NKD1: variants seen among roughly 807,000 people sequenced by gnomAD.
The protein encoded by NKD1 is NKD inhibitor of Wnt signaling pathway 1.
A neutral mutation model predicts 56.0 loss-of-function variants in NKD1; 21 were observed. That is an observed-to-expected ratio of 0.38 (90% CI 0.27 to 0.54). The LOEUF is 0.54. Among genes scored for constraint, NKD1 ranks in the 20% least tolerant of loss-of-function variants. The pLI, the probability that NKD1 is intolerant of heterozygous loss-of-function variation, is 0.82. For synonymous variants in NKD1, 263 were observed against 265.7 expected (o/e 0.99, Z 0.10); for missense variants, 578 against 642.7 (o/e 0.90, Z 1.09).
intron 3 of NKD1, among the ~76,000 whole-genome samples, chr16:50,602,020 G>T (rs1435533963): frequency 1.3e-5 from 2 of 152,178 alleles, no homozygotes; most frequent in East Asian, 3.9e-4. Context: ...CTTTGATGAG[G>T]ATTATTTTTG....
rs185245668 is a variant in NKD1 at position 50,599,616 on chromosome 16, A to G, written c.193-8678A>G. On this transcript the variant is annotated intron_variant, in intron 3 of 9. Transcript: ENST00000268459. ...TGTCGCACACTGACTAAGACTGGTT[A>G]TCATCATCACTGAGTCCTTTATATT... Among the ~76,000 whole-genome samples the G allele has an allele frequency of 1.1e-4, 16 of 152,334 alleles. No homozygotes were observed. In the East Asian group the frequency reaches 2.7e-3, roughly 26 times the overall value.
chr16:50,629,295 G>A (rs958982450), intron 6 of NKD1, among the ~76,000 whole-genome samples: 2 of 152,076 alleles, frequency 1.3e-5, no homozygotes, highest in African/African-American at 4.8e-5. Context: ...ATCCTATCAT[G>A]GTCCCGCCTT....
intron 4 of NKD1, among the ~76,000 whole-genome samples, chr16:50,610,111 G>A (rs566824821): frequency 1.3e-5 from 2 of 152,150 alleles, no homozygotes; most frequent in Non-Finnish European, 2.9e-5. Flanking sequence ...CTGGAGGATC[G>A]CTTGAGCTCA....
chr16:50,593,780 A>G (rs185507052), intron 3 of NKD1, among the ~76,000 whole-genome samples: 16 of 152,326 alleles, frequency 1.1e-4, no homozygotes, highest in Non-Finnish European at 1.9e-4. Flanking sequence ...TTTTAAGTCT[A>G]TCCCAAATAC....
At chr16:50,592,917 G>A (rs1293622868) in intron 3 of NKD1, among the ~76,000 whole-genome samples, 1 of 152,132 alleles carries the variant, frequency 6.6e-6, no homozygotes, top group African/African-American at 2.4e-5. Context: ...CCCAACCTGG[G>A]TATGAACAGC....
intron 4 of NKD1, among the ~76,000 whole-genome samples, chr16:50,611,300 C>T (rs1961841668): frequency 1.3e-5 from 2 of 151,974 alleles, no homozygotes; most frequent in South Asian, 2.1e-4. Context: ...TGCTCGTTGT[C>T]TCTCCGCATC....
rs758306906 is a variant in NKD1 at position 50,625,576 on chromosome 16, G to A, written c.458G>A (p.Arg153Gln). ...TTTGACAACAACGGCAAGGTCACCC[G>A]AGAGGTGAGTGCACCTGCCTGGCCT... ...YDFDNNGKVT[R>Q]EDITSLLHTI... The change falls in exon 6 of 10, where the codon CGA becomes CAA. Residue 153 changes from arginine (R) to glutamine (Q), a missense_variant. Coordinates refer to ENST00000268459, the MANE Select transcript of NKD1 (RefSeq NM_033119.5). 1.9e-5 allele frequency: 30 copies of A among 1,606,916 alleles called. No individual in the cohort carries two copies. Among genetic ancestry groups the A allele is most frequent in the Non-Finnish European group, 2.4e-5 (28 of 1,173,634 alleles).
At chr16:50,628,856 C>T (rs1962279708) in intron 6 of NKD1, among the ~76,000 whole-genome samples, 1 of 152,186 alleles carries the variant, frequency 6.6e-6, no homozygotes, top group Non-Finnish European at 1.5e-5. Context: ...CAAGGGGACA[C>T]CTGCTTCAGT....
intron 3 of NKD1, among the ~76,000 whole-genome samples, chr16:50,595,626 C>A (rs1961456151): frequency 6.6e-6 from 1 of 152,204 alleles, no homozygotes; most frequent in Non-Finnish European, 1.5e-5. Flanking sequence ...GTCTCCCCAT[C>A]TGTAAAAACA....
rs71928407 is a variant in NKD1, at chr16:50,623,725, C to CTGTGTGTGTGTGTGTGTGTG, written c.367-1740_367-1721dup. Among the ~76,000 whole-genome samples, 2 of 141,632 alleles carry CTGTGTGTGTGTGTGTGTGTG rather than the reference C, an allele frequency of 1.4e-5. No homozygotes were observed. Among genetic ancestry groups the CTGTGTGTGTGTGTGTGTGTG allele is most frequent in the South Asian group, 2.4e-4 (1 of 4,216 alleles). The allele number at this position is 141,632 out of a possible 152,430, so 92.9% of individuals were successfully genotyped here. On this transcript the variant is annotated intron_variant, in intron 5 of 9. Transcript: ENST00000268459. This position sits in a 1 kb window ranked among gnomAD's most constrained non-coding sequence, Gnocchi z 4.1. ...AAGCTGTCTTGGAAACAGGTAAGTG[C>CTGTGTGTGTGTGTGTGTGTG]TGTGTGTGTGTGTGTGTGTGTGTGT...
At chr16:50,556,456 C>G (rs1474332602) in intron 3 of NKD1, 2 of 152,340 alleles carry the variant, frequency 1.3e-5, no homozygotes, top group Non-Finnish European at 2.9e-5. Flanking sequence ...GCTTGGCCCG[C>G]CGGGGTGGGT....
rs1960324423 is a variant in NKD1, at chr16:50,549,442, G to T, written c.79G>T (p.Ala27Ser). ...CCCAGGTGACAGCTTCGCCGTGAGCGCTGCCTGGGCTCGGAAGGGCATCGA... is the reference window on the plus strand; with the variant it reads ...CCCAGGTGACAGCTTCGCCGTGAGCTCTGCCTGGGCTCGGAAGGGCATCGA... ...SPEGDSFAVS[A>S]AWARKGIEEW... Residue 27 changes from alanine to serine, a missense_variant, in exon 3 of 10, where the codon GCT (alanine) becomes TCT (serine). Ala to Ser is a moderately conservative substitution (Grantham distance 99, BLOSUM62 1). Coordinates refer to ENST00000268459, the MANE Select transcript of NKD1 (RefSeq NM_033119.5). 1 of 1,611,026 alleles carries T rather than the reference G, an allele frequency of 6.2e-7. No individual in the cohort carries two copies. Among genetic ancestry groups the T allele is most frequent in the Admixed American group, 1.7e-5 (1 of 59,850 alleles).
chr16:50,560,789 A>ATACACACACTT (rs1960607115), intron 3 of NKD1, among the ~76,000 whole-genome samples: 1 of 151,578 alleles, frequency 6.6e-6, no homozygotes, highest in African/African-American at 2.4e-5. Context: ...AAAAAAATGT[A>ATACACACACTT]TACACACACT....
chr16:50,601,206 G>A (rs943384242), intron 3 of NKD1, among the ~76,000 whole-genome samples: 13 of 152,242 alleles, frequency 8.5e-5, no homozygotes, highest in Admixed American at 3.9e-4. Context: ...GCAGGAGCTC[G>A]CTCCACTGGC....
chr16:50,633,724 T>C lies in NKD1; in HGVS notation c.1356T>C (p.His452=), dbSNP rs1373786456. 1 of 1,573,748 alleles carries C rather than the reference T, an allele frequency of 6.4e-7. No homozygotes were observed. Among genetic ancestry groups the C allele is most frequent in the East Asian group, 2.3e-5 (1 of 42,896 alleles). The change falls in exon 10 of 10, where the codon CAT becomes CAC. Residue 452 remains histidine, a synonymous_variant. Transcript: ENST00000268459. The surrounding 1 kb of genome is among the most constrained non-coding windows in gnomAD (Gnocchi z 4.9). ...ESQAGQPVQR[H]EHHHHHEHHH... is the part of the protein sequence containing the mutation. ...AGGCCGGGCAGCCGGTCCAGAGACA[T>C]GAGCACCACCACCACCATGAACATC...
chr16:50,575,065 A>C, intron 3 of NKD1: 1 of 985,326 alleles, frequency 1.0e-6, no homozygotes, highest in Non-Finnish European at 1.2e-6. Flanking sequence ...AGAGAGCTGG[A>C]AAGTTGTTTC....
rs1280490487 is a variant in NKD1, at chr16:50,645,719, A to C, written c.*11938A>C. 1 of 152,126 alleles carries C rather than the reference A, an allele frequency of 6.6e-6. No homozygotes were observed. Among genetic ancestry groups the C allele is most frequent in the Non-Finnish European group, 1.5e-5 (1 of 68,046 alleles). The allele number at this position is 152,126 out of a possible 1,614,324, so 9.4% of individuals were successfully genotyped here. A position where few individuals can be genotyped will look rare whatever the true frequency, so the allele number is the denominator to read the frequency against. Reference sequence around the variant, plus strand: ...CACGTTGTTTATGACGTTCTTACCCATGAAAGCGCTCAAGGATCCGCTTGC... The same window carrying C: ...CACGTTGTTTATGACGTTCTTACCCCTGAAAGCGCTCAAGGATCCGCTTGC... On this transcript the variant is annotated 3_prime_UTR_variant, in exon 10 of 10. Coordinates refer to ENST00000268459, the MANE Select transcript of NKD1 (RefSeq NM_033119.5).
chr16:50,573,391 C>T (rs574968197), intron 3 of NKD1, among the ~76,000 whole-genome samples: 1 of 152,232 alleles, frequency 6.6e-6, no homozygotes, highest in Non-Finnish European at 1.5e-5. Flanking sequence ...CCTTCTCCCC[C>T]CATCAGGTTA....
At position 50,598,001 on chromosome 16, in the gene NKD1, C is replaced by T. The variant is rs887175663; in HGVS notation, c.193-10293C>T. ...CACTGGCAGTAGAGGGAGGAGGGCG[C>T]TCCGGGTGAAGGGGACAGGATGGTC... is the stretch of plus-strand genomic sequence containing the variant. On this transcript the variant is annotated intron_variant, in intron 3 of 9. Coordinates refer to ENST00000268459, the MANE Select transcript of NKD1 (RefSeq NM_033119.5). This position sits in a 1 kb window ranked among gnomAD's most constrained non-coding sequence, Gnocchi z 4.2. 6.6e-6 allele frequency among the ~76,000 whole-genome samples: 1 copy of T among 152,092 alleles called. No homozygotes were observed. Among genetic ancestry groups the T allele is most frequent in the African/African-American group, 2.4e-5 (1 of 41,404 alleles).
Sources: gnomAD v4.1 joint callset for allele counts (sites outside exome capture counted in the v4.1 genomes callset) on GRCh38, gnomAD v4.1.1 for gene constraint, Gnocchi (gnomAD v3.1) non-coding constraint, MANE v1.5 for transcripts, NCBI Gene and HGNC (gene_info 2026-07-23, HGNC 2026-07-21) for gene names.